Variants in TMC2 observed in about 807,000 individuals in gnomAD.
TMC2 encodes transmembrane channel like 2.
A neutral mutation model predicts 105.9 loss-of-function variants in TMC2; 102 were observed. The observed-to-expected ratio is 0.96, with a 90% CI of 0.82 to 1.14. The LOEUF (loss-of-function observed/expected upper bound fraction) is 1.14, where lower values mean the gene tolerates loss of function less well. Ranked by LOEUF, TMC2 falls within the 50% of genes most tolerant of loss-of-function variation. The probability of loss-of-function intolerance (pLI) is 0.00; values close to 1 mark genes in which losing one functional copy is unlikely to be tolerated. For missense variants in TMC2, 1,093 were observed against 1,134.3 expected (o/e 0.96, Z 0.52); for synonymous variants, 402 against 422.8 (o/e 0.95, Z 0.60).
chr20:2,550,721 A>G (rs924256237), intron 2 of TMC2, among the ~76,000 whole-genome samples: 15 of 152,320 alleles, frequency 9.8e-5, no homozygotes, highest in African/African-American at 3.6e-4. Context: ...AGAATGCTGT[A>G]TAGTTACAAT....
At position 2,608,510 on chromosome 20, in the gene TMC2, T is replaced by C. The variant is rs147617164; in HGVS notation, c.1414-1909T>C. Among the ~76,000 whole-genome samples, 1,116 of 152,098 alleles carry C rather than the reference T, an allele frequency of 7.3e-3. 7 individuals carry two copies. The highest frequency in any genetic ancestry group is 0.026 in the African/African-American group (1,063 of 41,510). On this transcript the variant is annotated intron_variant, in intron 11 of 19. Transcript: ENST00000358864. ...ACCTGGCTAATTTTTGTATTTTTAG[T>C]AGAGACGAGGTTTTGCCATGTTGGC...
intron 10 of TMC2, among the ~76,000 whole-genome samples, chr20:2,600,504 C>T (rs2086342230): frequency 6.6e-6 from 1 of 152,074 alleles, no homozygotes; most frequent in Admixed American, 6.5e-5. Flanking sequence ...ATGGGGAAAC[C>T]CTGCCTCTAC....
intron 16 of TMC2, among the ~76,000 whole-genome samples, chr20:2,619,971 T>G (rs1049676144): frequency 6.6e-6 from 1 of 152,024 alleles, no homozygotes. Flanking sequence ...CCCAGCTACT[T>G]GGGAGGCTGA....
chr20:2,558,879 G>A lies in TMC2; in HGVS notation c.401+105G>A. The A allele has an allele frequency of 1.7e-6, 2 of 1,208,652 alleles. No individual in the cohort carries two copies. The highest frequency in any genetic ancestry group is 2.3e-6 in the Non-Finnish European group (2 of 884,522). 74.9% of individuals were successfully genotyped at this position (1,208,652 alleles called of 1,614,324 possible). On this transcript the variant is annotated intron_variant, in intron 3 of 19. Transcript: ENST00000358864. The surrounding 1 kb of genome is among the most constrained non-coding windows in gnomAD (Gnocchi z 4.6). ...ACTGATGCCCCCCTCCCCGGGGAGA[G>A]GCAGCCCGTGCCCTCGCTCTGGCTT...
intron 16 of TMC2, among the ~76,000 whole-genome samples, chr20:2,621,038 C>G (rs1053793870): frequency 3.3e-5 from 5 of 152,072 alleles, no homozygotes; most frequent in Admixed American, 6.6e-5. Flanking sequence ...ATGGATTAGC[C>G]AGGTGGGCCC....
At chr20:2,618,552 C>T (rs1180753862) in intron 16 of TMC2, among the ~76,000 whole-genome samples, 1 of 152,190 alleles carries the variant, frequency 6.6e-6, no homozygotes, top group Non-Finnish European at 1.5e-5. Flanking sequence ...CTTGACAGAC[C>T]TCAACTGAGC....
intron 1 of TMC2, 23 bp downstream of exon 1, chr20:2,536,678 C>CCT (rs1568497699): frequency 6.4e-7 from 1 of 1,565,786 alleles, no homozygotes; most frequent in Admixed American, 1.9e-5. Context: ...CCTGATCCTG[C>CCT]GGGGCCCGCC....
intron 7 of TMC2, among the ~76,000 whole-genome samples, chr20:2,582,809 T>C (rs1288285909): frequency 6.6e-6 from 1 of 152,212 alleles, no homozygotes; most frequent in Non-Finnish European, 1.5e-5. Context: ...TCTCCTTATA[T>C]TCATTTTCCT....
intron 3 of TMC2, among the ~76,000 whole-genome samples, chr20:2,560,699 TGGTGGCG>T (rs1284317322): frequency 6.6e-6 from 1 of 151,818 alleles, no homozygotes; most frequent in African/African-American, 2.4e-5. Context: ...TAGCCAGGCG[TGGTGGCG>T]GGTGCCTGTA....
chr20:2,635,233 G>A (rs1342413125), intron 17 of TMC2, among the ~76,000 whole-genome samples: 1 of 152,176 alleles, frequency 6.6e-6, no homozygotes, highest in Non-Finnish European at 1.5e-5. Flanking sequence ...TGAGCCAATG[G>A]GGGCTGGACT....
intron 5 of TMC2, among the ~76,000 whole-genome samples, chr20:2,574,220 A>G (rs1042478340): frequency 3.3e-5 from 5 of 152,182 alleles, no homozygotes; most frequent in Non-Finnish European, 7.3e-5. Context: ...TATTTCTGGG[A>G]TAACCTCAGT....
chr20:2,597,173 A>G lies in TMC2; in HGVS notation c.1099A>G (p.Ser367Gly), dbSNP rs2086314367. 5 of 1,613,550 alleles carry G rather than the reference A, an allele frequency of 3.1e-6. No homozygotes were observed. In the African/African-American group the frequency reaches 4.0e-5, roughly 13 times the overall value. The part of the protein sequence containing the change: ...IRSMASNTQG[S>G]TGEGESDNFT... The stretch of plus-strand genomic sequence containing the variant: ...CAGGATGGCCAGCAATACCCAAGGA[A>G]GCACAGGCGAAGGGGAGAGTGACAA... The change falls in exon 10 of 20, where the codon AGC becomes GGC. Residue 367 changes from serine to glycine, a missense_variant. Coordinates refer to ENST00000358864, the MANE Select transcript of TMC2 (RefSeq NM_080751.3).
At chr20:2,550,684 C>T (rs947353285) in intron 2 of TMC2, among the ~76,000 whole-genome samples, 5 of 152,160 alleles carry the variant, frequency 3.3e-5, no homozygotes, top group African/African-American at 7.2e-5. Flanking sequence ...TCATTTTTTC[C>T]GCTGTCTCTA....
intron 15 of TMC2, 28 bp from the exon 16 acceptor site, chr20:2,617,044 A>C (rs1221752384): frequency 5.6e-6 from 9 of 1,613,586 alleles, no homozygotes; most frequent in Non-Finnish European, 7.6e-6. Context: ...TGTCCAGCCA[A>C]CCAGGTGTTT....
intron 17 of TMC2, among the ~76,000 whole-genome samples, chr20:2,627,361 A>G (rs922209037): frequency 6.6e-6 from 1 of 152,090 alleles, no homozygotes; most frequent in Non-Finnish European, 1.5e-5. Context: ...CTCTGGTGTC[A>G]TTTTCTTCTG....
At chr20:2,546,688 C>A (rs2085928442) in intron 2 of TMC2, among the ~76,000 whole-genome samples, 1 of 152,128 alleles carries the variant, frequency 6.6e-6, no homozygotes, top group African/African-American at 2.4e-5. Flanking sequence ...CTAATGGAGT[C>A]CTTCCAACTG....
chr20:2,638,818 G>C (rs2086668085), intron 19 of TMC2, among the ~76,000 whole-genome samples: 1 of 152,166 alleles, frequency 6.6e-6, no homozygotes. Flanking sequence ...CAGTGTATTT[G>C]TGTTTTAAGC....
chr20:2,582,233 T>TTAGGATGATGGGAAATTGGCCA (rs2086197116), intron 7 of TMC2, among the ~76,000 whole-genome samples: 1 of 152,122 alleles, frequency 6.6e-6, no homozygotes, highest in African/African-American at 2.4e-5. Flanking sequence ...GCCTTCTTAT[T>TTAGGATGATGGGAAATTGGCCA]TAGGATGATG....
At chr20:2,618,282 G>A (rs1264488134) in intron 16 of TMC2, 1 of 152,286 alleles carries the variant, frequency 6.6e-6, no homozygotes, top group Non-Finnish European at 1.5e-5. Context: ...TTCTGTGCCT[G>A]GCTTATTTCA....
Sources: gnomAD v4.1 joint callset for allele counts (sites outside exome capture counted in the v4.1 genomes callset) on GRCh38, gnomAD v4.1.1 for gene constraint, Gnocchi (gnomAD v3.1) non-coding constraint, MANE v1.5 for transcripts, NCBI Gene and HGNC (gene_info 2026-07-23, HGNC 2026-07-21) for gene names.